XNDC1N: variants seen among roughly 807,000 people sequenced by gnomAD.
The protein encoded by XNDC1N is XRCC1 N-terminal domain containing 1, N-terminal like.
the XNDC1N span, chr11:71,923,256 T>C: frequency 1.4e-6 from 1 of 701,132 alleles, no homozygotes; most frequent in African/African-American, 1.8e-5. Context: ...CTCCTATTTT[T>C]TTCACTCCTT....
the XNDC1N span, chr11:71,903,188 G>A: frequency 8.3e-6 from 6 of 720,716 alleles, no homozygotes; most frequent in Admixed American, 7.8e-5. Flanking sequence ...GTATCCAAAC[G>A]ATACAGACCC....
At chr11:71,873,241 G>A in the XNDC1N span, among the ~76,000 whole-genome samples, 3 of 152,174 alleles carry the variant, frequency 2.0e-5, no homozygotes, top group East Asian at 1.9e-4. Flanking sequence ...TCTAGTAAAT[G>A]TCTTGAAAAC....
the XNDC1N span, among the ~76,000 whole-genome samples, chr11:71,889,351 C>T: frequency 3.3e-5 from 5 of 152,342 alleles, no homozygotes; most frequent in South Asian, 2.1e-4. Flanking sequence ...CGAGCTTCCA[C>T]CTGGCTGGGT....
chr11:71,875,595 A>G, the XNDC1N span, among the ~76,000 whole-genome samples: 1 of 152,100 alleles, frequency 6.6e-6, no homozygotes, highest in South Asian at 2.1e-4. Context: ...AGAGACTATG[A>G]TTTTCCTGAG....
the XNDC1N span, among the ~76,000 whole-genome samples, chr11:71,869,150 C>A: frequency 1.3e-5 from 2 of 152,054 alleles, no homozygotes; most frequent in Non-Finnish European, 1.5e-5. Flanking sequence ...GTGCTGCACC[C>A]ATTAACTCGT....
the XNDC1N span, among the ~76,000 whole-genome samples, chr11:71,912,840 G>T: frequency 2.0e-3 from 301 of 152,254 alleles, 2 homozygotes; most frequent in African/African-American, 5.8e-3. Context: ...GAACAGCCCT[G>T]CGATATTGAG....
the XNDC1N span, chr11:71,927,723 T>A: frequency 6.6e-6 from 1 of 152,220 alleles, no homozygotes; most frequent in East Asian, 1.9e-4. Flanking sequence ...TATTGTATTA[T>A]CTAGCTTTTA....
the XNDC1N span, among the ~76,000 whole-genome samples, chr11:71,867,412 A>C: frequency 1.3e-5 from 2 of 152,186 alleles, no homozygotes; most frequent in Non-Finnish European, 2.9e-5. Flanking sequence ...TGCTTTGAGA[A>C]GGCAGGCCCA....
At chr11:71,872,371 C>G in the XNDC1N span, among the ~76,000 whole-genome samples, 77 of 152,296 alleles carry the variant, frequency 5.1e-4, 1 homozygote, top group Non-Finnish European at 1.9e-4. Context: ...ATACACTACC[C>G]CTGTGAAATT....
the XNDC1N span, among the ~76,000 whole-genome samples, chr11:71,924,223 C>A: frequency 6.6e-6 from 1 of 152,110 alleles, no homozygotes; most frequent in Non-Finnish European, 1.5e-5. Flanking sequence ...TATTGCAAAA[C>A]CCTTGCTAAG....
At chr11:71,878,842 T>C in the XNDC1N span, among the ~76,000 whole-genome samples, 1 of 147,886 alleles carries the variant, frequency 6.8e-6, no homozygotes, top group Non-Finnish European at 1.5e-5. Context: ...AAAAAAAAAA[T>C]ACAAAAAATT....
At chr11:71,925,749 G>A in the XNDC1N span, among the ~76,000 whole-genome samples, 77 of 151,088 alleles carry the variant, frequency 5.1e-4, no homozygotes, top group Non-Finnish European at 1.0e-3. Context: ...ACGTGGTGGC[G>A]GGGGCCTGTA....
the XNDC1N span, chr11:71,865,810 T>C: frequency 5.0e-4 from 224 of 445,146 alleles, 1 homozygote; most frequent in African/African-American, 4.4e-3. Context: ...CTTTATATTG[T>C]AGGATGTTTA....
At chr11:71,912,322 G>A in the XNDC1N span, among the ~76,000 whole-genome samples, 1 of 152,168 alleles carries the variant, frequency 6.6e-6, no homozygotes, top group Non-Finnish European at 1.5e-5. Context: ...GGTGGGTGGA[G>A]ATCTGGGTCT....
At chr11:71,899,588 G>A in the XNDC1N span, among the ~76,000 whole-genome samples, 1 of 152,212 alleles carries the variant, frequency 6.6e-6, no homozygotes, top group Non-Finnish European at 1.5e-5. Flanking sequence ...CGCAGGACGT[G>A]CCTTGTTAAC....
chr11:71,869,981 A>G, the XNDC1N span, among the ~76,000 whole-genome samples: 2 of 152,194 alleles, frequency 1.3e-5, no homozygotes, highest in East Asian at 3.8e-4. Context: ...TTTGCTCACA[A>G]TTCCACATTG....
the XNDC1N span, among the ~76,000 whole-genome samples, chr11:71,907,339 A>AG: frequency 4.0e-5 from 6 of 150,898 alleles, no homozygotes; most frequent in African/African-American, 9.7e-5. Context: ...GCCCCATCGC[A>AG]GGGGGGTGAG....
At chr11:71,889,225 A>C in the XNDC1N span, among the ~76,000 whole-genome samples, 13 of 152,238 alleles carry the variant, frequency 8.5e-5, no homozygotes, top group African/African-American at 3.1e-4. Flanking sequence ...ATAGAAAGAA[A>C]AGGGCCTATT....
the XNDC1N span, chr11:71,904,096 C>T: frequency 2.7e-4 from 139 of 517,188 alleles, no homozygotes; most frequent in African/African-American, 2.0e-3. Context: ...AAGTGTCCTG[C>T]GGCGGCCGCA....
Sources: gnomAD v4.1 joint callset for allele counts (sites outside exome capture counted in the v4.1 genomes callset) on GRCh38, gnomAD v4.1.1 for gene constraint, MANE v1.5 for transcripts, NCBI Gene and HGNC (gene_info 2026-07-23, HGNC 2026-07-21) for gene names.